POFUT3: variants seen among roughly 807,000 people sequenced by gnomAD.
POFUT3 encodes the protein GDP-fucose protein O-fucosyltransferase 3.
chr8:33,341,030 A>G, the POFUT3 span, among the ~76,000 whole-genome samples: 1 of 152,242 alleles, frequency 6.6e-6, no homozygotes, highest in Non-Finnish European at 1.5e-5. Context: ...AAGATAGGCC[A>G]TATATCTAGG....
At chr8:33,324,331 T>G in the POFUT3 span, among the ~76,000 whole-genome samples, 4 of 152,176 alleles carry the variant, frequency 2.6e-5, no homozygotes, top group African/African-American at 9.7e-5. Context: ...TCTCTGTCCT[T>G]TTAGTGTTGG....
the POFUT3 span, among the ~76,000 whole-genome samples, chr8:33,433,520 G>A: frequency 6.6e-6 from 1 of 151,928 alleles, no homozygotes; most frequent in Non-Finnish European, 1.5e-5. Flanking sequence ...GCTGAGGCAG[G>A]AGAATGGCAT....
the POFUT3 span, among the ~76,000 whole-genome samples, chr8:33,439,910 C>T: frequency 0.96 from 145,346 of 152,168 alleles, 69,466 homozygotes; most frequent in East Asian, 1. Context: ...AATTTCCCAC[C>T]CTGTCTGATG....
the POFUT3 span, among the ~76,000 whole-genome samples, chr8:33,398,973 C>A: frequency 1.3e-5 from 2 of 152,112 alleles, no homozygotes; most frequent in Non-Finnish European, 2.9e-5. Flanking sequence ...GTTTTGCTAT[C>A]TTTAAACCAT....
At chr8:33,323,466 G>A in the POFUT3 span, among the ~76,000 whole-genome samples, 1 of 152,170 alleles carries the variant, frequency 6.6e-6, no homozygotes, top group African/African-American at 2.4e-5. Context: ...ACACAGCGAT[G>A]TTCCTATAAT....
chr8:33,432,718 C>T, the POFUT3 span, among the ~76,000 whole-genome samples: 1 of 152,250 alleles, frequency 6.6e-6, no homozygotes, highest in South Asian at 2.1e-4. Context: ...ATATACTAAA[C>T]ATTATAGTGC....
the POFUT3 span, among the ~76,000 whole-genome samples, chr8:33,380,177 TA>T: frequency 2.1e-5 from 1 of 48,046 alleles, no homozygotes; most frequent in Non-Finnish European, 3.3e-5. Flanking sequence ...ATATATATAC[TA>T]TATATATATA....
At chr8:33,319,421 A>ATT in the POFUT3 span, among the ~76,000 whole-genome samples, 1 of 69,930 alleles carries the variant, frequency 1.4e-5, no homozygotes, top group African/African-American at 6.4e-5. Flanking sequence ...ATATAAATAT[A>ATT]TTATATATAT....
the POFUT3 span, among the ~76,000 whole-genome samples, chr8:33,460,188 C>CA: frequency 6.5e-4 from 90 of 138,966 alleles, no homozygotes; most frequent in South Asian, 3.0e-3. Context: ...GACTCCACCT[C>CA]AAAAAAAAAA....
chr8:33,455,256 T>G, the POFUT3 span, among the ~76,000 whole-genome samples: 2 of 152,286 alleles, frequency 1.3e-5, no homozygotes, highest in South Asian at 4.1e-4. Flanking sequence ...TATTCCAGGA[T>G]AGTCTAAGTC....
the POFUT3 span, among the ~76,000 whole-genome samples, chr8:33,349,726 T>A: frequency 1.3e-5 from 2 of 152,240 alleles, no homozygotes; most frequent in African/African-American, 4.8e-5. Context: ...CAATTGTGAA[T>A]TGTTCTGCCA....
At chr8:33,389,917 G>A in the POFUT3 span, 10 of 713,544 alleles carry the variant, frequency 1.4e-5, no homozygotes, top group Admixed American at 2.7e-5. Context: ...GCATGTGGCC[G>A]GGCACGGTGG....
the POFUT3 span, among the ~76,000 whole-genome samples, chr8:33,364,195 G>C: frequency 6.6e-6 from 1 of 152,096 alleles, no homozygotes; most frequent in South Asian, 2.1e-4. Context: ...AATAGATGCA[G>C]AAAAGGCCTT....
chr8:33,372,538 A>G, the POFUT3 span: 2 of 1,582,332 alleles, frequency 1.3e-6, no homozygotes, highest in African/African-American at 2.7e-5. Context: ...ATAAACCTCA[A>G]GAAGGCTCTA....
At chr8:33,338,132 T>C in the POFUT3 span, among the ~76,000 whole-genome samples, 161 of 152,310 alleles carry the variant, frequency 1.1e-3, no homozygotes, top group African/African-American at 3.7e-3. Flanking sequence ...ACTACTGCTT[T>C]AAAAGTCCTA....
chr8:33,424,761 T>C, the POFUT3 span, among the ~76,000 whole-genome samples: 1 of 152,126 alleles, frequency 6.6e-6, no homozygotes, highest in South Asian at 2.1e-4. Context: ...ACCCAAAAGA[T>C]AAACTAGAGG....
the POFUT3 span, among the ~76,000 whole-genome samples, chr8:33,343,948 C>T: frequency 6.6e-6 from 1 of 152,180 alleles, no homozygotes; most frequent in African/African-American, 2.4e-5. Context: ...CCCACACTTC[C>T]TTGTGGGGAC....
At chr8:33,395,633 C>T in the POFUT3 span, among the ~76,000 whole-genome samples, 1 of 152,054 alleles carries the variant, frequency 6.6e-6, no homozygotes, top group Non-Finnish European at 1.5e-5. Context: ...AGGACCTGAG[C>T]GTAGGTTCAA....
At chr8:33,416,369 G>A in the POFUT3 span, among the ~76,000 whole-genome samples, 2 of 152,042 alleles carry the variant, frequency 1.3e-5, no homozygotes, top group Non-Finnish European at 2.9e-5. Context: ...TTGGGAGGCC[G>A]AGGCAGGCAG....
Sources: gnomAD v4.1 joint callset for allele counts (sites outside exome capture counted in the v4.1 genomes callset) on GRCh38, gnomAD v4.1.1 for gene constraint, MANE v1.5 for transcripts, NCBI Gene and HGNC (gene_info 2026-07-23, HGNC 2026-07-21) for gene names.